Variants in FGD5 observed in about 807,000 individuals in gnomAD.
The protein encoded by FGD5 is FYVE, RhoGEF and PH domain-containing protein 5.
FGD5 carries 28 observed loss-of-function variants against 133.4 expected under a neutral mutation model. That is an observed-to-expected ratio of 0.21 (90% CI 0.16 to 0.29). The LOEUF is 0.29. Among genes scored for constraint, FGD5 ranks in the 10% least tolerant of loss-of-function variants. The pLI, the probability that FGD5 is intolerant of heterozygous loss-of-function variation, is 1.00. For synonymous variants in FGD5, 810 were observed against 776.5 expected (o/e 1.04, Z -0.72); for missense variants, 1,858 against 1,895.2 (o/e 0.98, Z 0.36).
intron 2 of FGD5, among the ~76,000 whole-genome samples, chr3:14,872,438 G>A (rs569240939): frequency 2.2e-4 from 33 of 152,300 alleles, no homozygotes; most frequent in Non-Finnish European, 3.8e-4. Flanking sequence ...GGGAAGTATA[G>A]CCTCTGGCTA....
Position 14,821,079 on chromosome 3 carries a change from C to A in FGD5, c.2008C>A (p.His670Asn). Residue 670 changes from histidine (H) to asparagine (N), a missense_variant, in exon 1 of 20, where the codon CAT becomes AAT. Coordinates refer to ENST00000285046, the MANE Select transcript of FGD5 (RefSeq NM_152536.4). The stretch of plus-strand genomic sequence containing the variant: ...TAAGAAGAAGACGGAGAACAAATTG[C>A]ATGTGGATGTGAACGTGTCTTCCTC... ...TFKKKTENKL[H>N]VDVNVSSSRS... The A allele has an allele frequency of 6.2e-7, 1 of 1,613,966 alleles. No individual in the cohort carries two copies. Among genetic ancestry groups the A allele is most frequent in the Non-Finnish European group, 8.5e-7 (1 of 1,179,886 alleles).
In FGD5 at chr3:14,820,256, C is replaced by G. The variant is rs1478250959; in HGVS notation, c.1185C>G (p.Gly395=). 6.2e-7 allele frequency: 1 copy of G among 1,604,108 alleles called. No individual in the cohort carries two copies. The highest frequency in any genetic ancestry group is 2.2e-5 in the East Asian group (1 of 44,780). The change falls in exon 1 of 20, where the codon GGC becomes GGG. Residue 395 remains glycine (G), a synonymous_variant. Transcript: ENST00000285046. ...ACCCCATGGTGGGGGCTTTGTGTGG[C>G]CAGTGTGGCTCCCTACAGGGTGGAG... The part of the protein sequence containing the change: ...EENPMVGALC[G]QCGSLQGGAA...
At chr3:14,829,448 G>C (rs1575192605) in intron 1 of FGD5, among the ~76,000 whole-genome samples, 2 of 152,158 alleles carry the variant, frequency 1.3e-5, no homozygotes, top group Non-Finnish European at 2.9e-5. Flanking sequence ...CCCCTTAAGA[G>C]AGGATGACCA....
At chr3:14,848,326 ACC>A (rs1477333751) in intron 1 of FGD5, among the ~76,000 whole-genome samples, 2 of 151,726 alleles carry the variant, frequency 1.3e-5, no homozygotes, top group Admixed American at 6.6e-5. Context: ...AGGACAGCTG[ACC>A]CCCTCTGCAG....
intron 1 of FGD5, among the ~76,000 whole-genome samples, chr3:14,844,642 C>T (rs1487949127): frequency 6.6e-6 from 1 of 151,996 alleles, no homozygotes; most frequent in Non-Finnish European, 1.5e-5. Flanking sequence ...GGCATAAAAC[C>T]CTGGCTGCAT....
At chr3:14,907,835 G>GC (rs1282716406) in intron 10 of FGD5, 124 bp downstream of exon 10, 36 of 961,354 alleles carry the variant, frequency 3.7e-5, no homozygotes, top group Non-Finnish European at 5.1e-5. Context: ...TGGAGGGCAG[G>GC]CAGGCGGGTG....
chr3:14,888,501 C>T (rs763034602), intron 4 of FGD5, among the ~76,000 whole-genome samples: 33 of 152,302 alleles, frequency 2.2e-4, no homozygotes, highest in Non-Finnish European at 2.9e-4. Context: ...CTAAGAACCT[C>T]CATTTTGCTC....
At chr3:14,913,592 G>C (rs1007702801) in intron 11 of FGD5, among the ~76,000 whole-genome samples, 1 of 152,208 alleles carries the variant, frequency 6.6e-6, no homozygotes, top group African/African-American at 2.4e-5. Context: ...AAGGGAAGCA[G>C]TGAGGCGGCA....
At chr3:14,842,347 G>A (rs915216600) in intron 1 of FGD5, among the ~76,000 whole-genome samples, 1 of 151,994 alleles carries the variant, frequency 6.6e-6, no homozygotes, top group Non-Finnish European at 1.5e-5. Flanking sequence ...CCAACCTGGT[G>A]CAGGTGTCTA....
intron 1 of FGD5, among the ~76,000 whole-genome samples, chr3:14,854,034 T>C (rs1239024049): frequency 6.6e-6 from 1 of 152,110 alleles, no homozygotes; most frequent in Non-Finnish European, 1.5e-5. Context: ...AGAAAGGACC[T>C]GCTGTATGTC....
chr3:14,826,484 C>T (rs944042992), intron 1 of FGD5, among the ~76,000 whole-genome samples: 1 of 152,230 alleles, frequency 6.6e-6, no homozygotes. Flanking sequence ...TATTGGTCTA[C>T]ACTTATTGTC....
rs756963147 is a variant in FGD5, at chr3:14,897,576, G to T, written c.2816G>T (p.Arg939Leu). 4.4e-6 allele frequency: 7 copies of T among 1,604,804 alleles called. No individual in the cohort carries two copies. The highest frequency in any genetic ancestry group is 2.6e-6 in the Non-Finnish European group (3 of 1,175,760). The change falls in exon 5 of 20, where the codon CGG (arginine) becomes CTG (leucine). Residue 939 changes from arginine (R) to leucine (L), a missense_variant. This residue lies in a region of FGD5 where 1,824 missense variants were observed against 1,848.9 expected (regional missense o/e 0.99). Transcript: ENST00000285046. ...CATGAAGGCAGAGACACATTGGCCC[G>T]GGAGGAGCTGAGGCAGGGCCTGAGT... ...MDHEGRDTLA[R>L]EELRQGLSEL... is the part of the protein sequence containing the mutation.
intron 4 of FGD5, among the ~76,000 whole-genome samples, chr3:14,894,946 C>A (rs2038104756): frequency 6.6e-6 from 1 of 151,908 alleles, no homozygotes; most frequent in Non-Finnish European, 1.5e-5. Context: ...GTTTGCATTT[C>A]TCTGATGATT....
chr3:14,854,864 A>G (rs2037245919), intron 1 of FGD5, among the ~76,000 whole-genome samples: 1 of 152,238 alleles, frequency 6.6e-6, no homozygotes, highest in Non-Finnish European at 1.5e-5. Flanking sequence ...TGTGTTGGGA[A>G]CATTCAATAT....
intron 1 of FGD5, among the ~76,000 whole-genome samples, chr3:14,812,436 A>G (rs1441629804): frequency 1.3e-5 from 2 of 152,240 alleles, no homozygotes; most frequent in East Asian, 1.9e-4. Flanking sequence ...GTTTTCCTGC[A>G]TGAGGCTTGG....
At chr3:14,847,041 C>T (rs752165578) in intron 1 of FGD5, among the ~76,000 whole-genome samples, 4 of 152,064 alleles carry the variant, frequency 2.6e-5, no homozygotes, top group East Asian at 1.9e-4. Flanking sequence ...AGAGTTGTTC[C>T]GAGGAGTGAA....
chr3:14,927,351 C>T (rs2038823475), intron 18 of FGD5, among the ~76,000 whole-genome samples: 1 of 152,128 alleles, frequency 6.6e-6, no homozygotes, highest in Non-Finnish European at 1.5e-5. Flanking sequence ...AGGGGCCTGG[C>T]ATGGTGGTTC....
intron 11 of FGD5, among the ~76,000 whole-genome samples, chr3:14,911,639 G>A (rs956334399): frequency 7.2e-5 from 11 of 151,886 alleles, no homozygotes; most frequent in African/African-American, 2.7e-4. Flanking sequence ...TGTTCCAGGC[G>A]TTGACTGAGC....
rs1295303457 is a variant in FGD5, at chr3:14,859,278, C to CAGGCA, written c.2526-4849_2526-4845dup. On this transcript the variant is annotated intron_variant, in intron 1 of 19. Transcript: ENST00000285046. ...CATTTGAAAGTTACTGTTAGTTGGC[C>CAGGCA]AGGCACAGTGGCTCGTGCCTGTAAT... is the stretch of plus-strand genomic sequence containing the variant. Among the ~76,000 whole-genome samples the CAGGCA allele has an allele frequency of 2.6e-5, 4 of 152,040 alleles. No homozygotes were observed. In the East Asian group the frequency reaches 7.7e-4, roughly 29 times the overall value.
Sources: allele counts gnomAD v4.1 joint callset (sites outside exome capture counted in the v4.1 genomes callset), GRCh38; gene constraint gnomAD v4.1.1; regional missense constraint gnomAD v4.1.1; transcripts MANE v1.5; gene names NCBI Gene and HGNC (gene_info 2026-07-23, HGNC 2026-07-21).